Variants in LEKR1 observed in about 807,000 individuals in gnomAD.
LEKR1 encodes leucine, glutamate and lysine rich 1.
In LEKR1, 59 loss-of-function variants were observed where a neutral mutation model predicts 72.4. The ratio of observed to expected loss-of-function variants is 0.82; its 90% CI spans 0.66 to 1.01. The LOEUF (loss-of-function observed/expected upper bound fraction) is 1.01. LEKR1 is among the 50% of genes least tolerant of loss of function. LEKR1 has a pLI of 0.00. For missense variants in LEKR1, 728 were observed against 759.2 expected (o/e 0.96, Z 0.48); for synonymous variants, 257 against 263.2 (o/e 0.98, Z 0.23).
chr3:156,992,843 A>G, intron 8 of LEKR1, 113 bp downstream of exon 8: 1 of 329,482 alleles, frequency 3.0e-6, no homozygotes, highest in Non-Finnish European at 5.3e-6. Flanking sequence ...TATTGTTTAC[A>G]TATAAAATAC....
At chr3:156,996,376 T>C (rs1400753142) in intron 9 of LEKR1, among the ~76,000 whole-genome samples, 2 of 151,768 alleles carry the variant, frequency 1.3e-5, no homozygotes, top group Non-Finnish European at 2.9e-5. Flanking sequence ...AGTTGGTGAG[T>C]TCTGGGAAAG....
intron 9 of LEKR1, among the ~76,000 whole-genome samples, chr3:157,005,148 C>A (rs899247789): frequency 3.3e-5 from 5 of 151,974 alleles, no homozygotes; most frequent in Non-Finnish European, 5.9e-5. Context: ...ACAGAAATAT[C>A]ATGAACAGCT....
chr3:156,854,723 G>GT (rs780705516), intron 3 of LEKR1, among the ~76,000 whole-genome samples: 4,788 of 144,298 alleles, frequency 0.033, 104 homozygotes, highest in Non-Finnish European at 0.05. Flanking sequence ...GTATTTTGTA[G>GT]TTTTTTTTTT....
At chr3:156,839,955 T>A (rs1488315492) in intron 2 of LEKR1, among the ~76,000 whole-genome samples, 2 of 152,156 alleles carry the variant, frequency 1.3e-5, no homozygotes, top group Non-Finnish European at 2.9e-5. Context: ...CCCCTTCCAC[T>A]TTCTCCACCT....
intron 9 of LEKR1, among the ~76,000 whole-genome samples, chr3:156,999,350 A>G (rs911565021): frequency 1.3e-5 from 2 of 152,096 alleles, no homozygotes; most frequent in African/African-American, 4.8e-5. Context: ...ATGATTAAAC[A>G]TACCTGCTTT....
intron 10 of LEKR1, among the ~76,000 whole-genome samples, chr3:157,020,258 A>C (rs113288265): frequency 1.0e-3 from 84 of 82,374 alleles, no homozygotes; most frequent in Non-Finnish European, 1.8e-3. Flanking sequence ...ATTTTCTTTT[A>C]TTATTATTAT....
At chr3:156,990,514 C>T (rs1473197042) in intron 7 of LEKR1, among the ~76,000 whole-genome samples, 7 of 152,134 alleles carry the variant, frequency 4.6e-5, no homozygotes, top group Non-Finnish European at 7.4e-5. Context: ...TTTACTATAG[C>T]GATTGCTAAA....
chr3:157,017,082 C>A (rs181853273), intron 10 of LEKR1, among the ~76,000 whole-genome samples: 11 of 152,226 alleles, frequency 7.2e-5, no homozygotes, highest in African/African-American at 9.6e-5. Context: ...GATCAGCAAA[C>A]TTTTTCTATA....
intron 3 of LEKR1, among the ~76,000 whole-genome samples, chr3:156,901,487 C>T (rs539745895): frequency 1.3e-5 from 2 of 152,176 alleles, no homozygotes; most frequent in South Asian, 4.1e-4. Context: ...GTATCATGTA[C>T]GTAGTGGGCT....
intron 1 of LEKR1, among the ~76,000 whole-genome samples, chr3:156,827,743 T>A (rs1207078576): frequency 6.6e-6 from 1 of 152,234 alleles, no homozygotes; most frequent in Non-Finnish European, 1.5e-5. Context: ...TTCCTCCCCT[T>A]CTTATGCTAA....
rs200799938 is a variant in LEKR1, at chr3:156,997,780, GA to G, written c.1109+4510del. 2.5e-3 allele frequency among the ~76,000 whole-genome samples: 386 copies of G among 152,258 alleles called. 4 individuals carry two copies. Among genetic ancestry groups the G allele is most frequent in the African/African-American group, 8.8e-3 (364 of 41,564 alleles). On this transcript the variant is annotated intron_variant, in intron 9 of 12. Transcript: ENST00000356539. ...ATGTAAAAAGCCAGAGGTGACCCTA[GA>G]AAAAAACTAGCAGAACTTCTGAATT...
At chr3:157,028,660 C>A (rs1209174620) in intron 12 of LEKR1, among the ~76,000 whole-genome samples, 1 of 152,152 alleles carries the variant, frequency 6.6e-6, no homozygotes, top group Non-Finnish European at 1.5e-5. Flanking sequence ...GCACCTAGTT[C>A]TTTCTTGCAA....
At chr3:156,871,500 T>C (rs999557911) in intron 3 of LEKR1, among the ~76,000 whole-genome samples, 2 of 152,190 alleles carry the variant, frequency 1.3e-5, no homozygotes, top group Non-Finnish European at 2.9e-5. Flanking sequence ...TCAAATGGTA[T>C]TTCTAGTTCT....
intron 2 of LEKR1, among the ~76,000 whole-genome samples, chr3:156,840,846 C>T (rs1713817627): frequency 6.6e-6 from 1 of 152,204 alleles, no homozygotes; most frequent in South Asian, 2.1e-4. Flanking sequence ...TATACTTGTA[C>T]TCACCTGAGA....
At chr3:156,840,759 A>T (rs1713807461) in intron 2 of LEKR1, among the ~76,000 whole-genome samples, 2 of 152,192 alleles carry the variant, frequency 1.3e-5, no homozygotes, top group South Asian at 4.1e-4. Flanking sequence ...ACCATAAAAG[A>T]CCTTTTAAAT....
chr3:156,913,240 G>A (rs1273309457), intron 3 of LEKR1, among the ~76,000 whole-genome samples: 2 of 152,042 alleles, frequency 1.3e-5, no homozygotes, highest in Admixed American at 6.6e-5. Context: ...CTATTTTAAC[G>A]ATATTGATTT....
intron 6 of LEKR1, among the ~76,000 whole-genome samples, chr3:156,976,340 T>C (rs1203285579): frequency 6.6e-6 from 1 of 152,078 alleles, no homozygotes; most frequent in African/African-American, 2.4e-5. Context: ...TTAGAAGTAA[T>C]AACATAAAAT....
At position 156,849,353 on chromosome 3, in the gene LEKR1, A is replaced by G. The variant is rs543389995; in HGVS notation, c.49-3415A>G. ...TTGCCCAAGGTAATTTATAGATTCA[A>G]TGCCATCCCCATCAAGCTACTAATG... On this transcript the variant is annotated intron_variant, in intron 2 of 12. Coordinates refer to ENST00000356539, the MANE Select transcript of LEKR1 (RefSeq NM_001004316.3). Among the ~76,000 whole-genome samples the G allele has an allele frequency of 8.5e-5, 13 of 152,336 alleles. No individual in the cohort carries two copies. The East Asian group carries it at 2.3e-3, about 27-fold the overall frequency.
In LEKR1 at chr3:157,045,501, T is replaced by A; in HGVS notation, c.1830T>A (p.Pro610=). 2 of 1,614,146 alleles carry A rather than the reference T, an allele frequency of 1.2e-6. No individual in the cohort carries two copies. Among genetic ancestry groups the A allele is most frequent in the Non-Finnish European group, 1.7e-6 (2 of 1,179,998 alleles). ...CSLSKGSLTS[P]AAAVSNHGER... Reference sequence around the variant, plus strand: ...TCAGCAAGGGCAGCCTAACCTCCCCTGCTGCAGCAGTCAGTAATCATGGAG... The same window carrying A: ...TCAGCAAGGGCAGCCTAACCTCCCCAGCTGCAGCAGTCAGTAATCATGGAG... The change falls in exon 13 of 13, where the codon CCT becomes CCA. Residue 610 remains proline (P), a synonymous_variant. Transcript: ENST00000356539.
Sources: allele counts gnomAD v4.1 joint callset (sites outside exome capture counted in the v4.1 genomes callset), GRCh38; gene constraint gnomAD v4.1.1; transcripts MANE v1.5; gene names NCBI Gene and HGNC (gene_info 2026-07-23, HGNC 2026-07-21).